The following ARHGAP31 variants were observed in gnomAD, a reference collection of about 807,000 sequenced individuals.
ARHGAP31 encodes rho GTPase-activating protein 31.
Under a neutral mutation model 113.9 loss-of-function variants are expected in ARHGAP31, and 34 were observed. That is an observed-to-expected ratio of 0.30 (90% confidence interval 0.23 to 0.40). The LOEUF (loss-of-function observed/expected upper bound fraction) is 0.40. ARHGAP31 is among the 10% of genes least tolerant of loss of function. The pLI, the probability that ARHGAP31 is intolerant of heterozygous loss-of-function variation, is 1.00. For missense variants in ARHGAP31, 1,548 were observed against 1,767.1 expected, an observed-to-expected ratio of 0.88 and a Z score of 2.22; for synonymous variants, 650 against 684.8, an observed-to-expected ratio of 0.95 and a Z score of 0.79.
At chr3:119,361,132 A>G (rs2080202727) in intron 1 of ARHGAP31, among the ~76,000 whole-genome samples, 1 of 152,240 alleles carries the variant, frequency 6.6e-6, no homozygotes, top group Non-Finnish European at 1.5e-5. Context: ...TTGAGACTTA[A>G]CAATAGCCAC....
In ARHGAP31 at chr3:119,401,867, G is replaced by A. The variant is rs1321755122; in HGVS notation, c.1115G>A (p.Gly372Glu). ...TTCAATCGAACAGTTACCACCGGTG[G>A]ATTTTTCATTCCAGCAACAAAGATG... is the stretch of plus-strand genomic sequence containing the variant. ...GNFNRTVTTG[G>E]FFIPATKMHS... The change falls in exon 10 of 12, where the codon GGA becomes GAA. Residue 372 changes from glycine to glutamate, a missense_variant. Gly to Glu is a moderately conservative substitution (Grantham distance 98). Coordinates refer to ENST00000264245, the MANE Select transcript of ARHGAP31 (RefSeq NM_020754.4). 1 of 1,614,076 alleles carries A rather than the reference G, an allele frequency of 6.2e-7. No individual in the cohort carries two copies. The highest frequency in any genetic ancestry group is 8.5e-7 in the Non-Finnish European group (1 of 1,180,010).
Position 119,386,781 on chromosome 3 carries a change from A to G in ARHGAP31, c.682+3555A>G, listed in dbSNP as rs139681415. 2.9e-4 allele frequency among the ~76,000 whole-genome samples: 44 copies of G among 152,368 alleles called. 1 individual carries two copies. The highest frequency in any genetic ancestry group is 8.9e-4 in the African/African-American group (37 of 41,596). On this transcript the variant is annotated intron_variant, in intron 6 of 11. Coordinates refer to ENST00000264245, the MANE Select transcript of ARHGAP31 (RefSeq NM_020754.4). ...GTCACCTCCAACGATAGGTAAGGTCACGTGGGTCACGTGTCCACTGGACAG... is the reference window on the plus strand; with the variant it reads ...GTCACCTCCAACGATAGGTAAGGTCGCGTGGGTCACGTGTCCACTGGACAG...
At chr3:119,345,336 G>A (rs186100936) in intron 1 of ARHGAP31, among the ~76,000 whole-genome samples, 3 of 152,114 alleles carry the variant, frequency 2.0e-5, no homozygotes, top group Middle Eastern at 3.2e-3. Flanking sequence ...AAGTGAAAGC[G>A]AGCACAATCC....
intron 10 of ARHGAP31, among the ~76,000 whole-genome samples, chr3:119,403,413 A>G (rs975573762): frequency 2.0e-5 from 3 of 152,214 alleles, no homozygotes; most frequent in East Asian, 1.9e-4. Flanking sequence ...TTGTAACACT[A>G]TACCACGCTC....
At position 119,294,780 on chromosome 3, in the gene ARHGAP31, C is replaced by G; in HGVS notation, c.-125C>G. 3 of 915,842 alleles carry G rather than the reference C, an allele frequency of 3.3e-6. No homozygotes were observed. Among genetic ancestry groups the G allele is most frequent in the Non-Finnish European group, 3.5e-6 (2 of 565,794 alleles). 56.7% of individuals were successfully genotyped at this position (915,842 alleles called of 1,614,324 possible). ...CGCAGGGCCCCCAGCCCAAGTTCTT[C>G]CATCTTCCGATGCGGCCCCCCAGAG... On this transcript the variant is annotated 5_prime_UTR_variant, in exon 1 of 12. Coordinates refer to ENST00000264245, the MANE Select transcript of ARHGAP31 (RefSeq NM_020754.4).
rs71156743 is a variant in ARHGAP31 at position 119,332,635 on chromosome 3, T to TCACACACACACACA, written c.101-32653_101-32640dup. 8.2e-4 allele frequency among the ~76,000 whole-genome samples: 70 copies of TCACACACACACACA among 85,728 alleles called. 1 individual carries two copies. The highest frequency in any genetic ancestry group is 1.4e-3 in the Non-Finnish European group (67 of 46,934). 56.2% of individuals were successfully genotyped at this position (85,728 alleles called of 152,430 possible). A position where few individuals can be genotyped will look rare whatever the true frequency, so the allele number is the denominator to read the frequency against. On this transcript the variant is annotated intron_variant, in intron 1 of 11. Transcript: ENST00000264245. Reference sequence around the variant, plus strand: ...CTCTCTCTCTCTCTCTCTCTCTCTCTCACACACACACACACACACACACAC... The same window carrying TCACACACACACACA: ...CTCTCTCTCTCTCTCTCTCTCTCTCTCACACACACACACACACACACACACACACACACACACAC...
chr3:119,392,875 T>C (rs2080517307), intron 7 of ARHGAP31, among the ~76,000 whole-genome samples: 1 of 152,216 alleles, frequency 6.6e-6, no homozygotes, highest in African/African-American at 2.4e-5. Context: ...CCTGTGGATG[T>C]CCCAGCAGTG....
intron 7 of ARHGAP31, among the ~76,000 whole-genome samples, chr3:119,392,150 C>G (rs948332068): frequency 6.6e-6 from 1 of 152,144 alleles, no homozygotes; most frequent in African/African-American, 2.4e-5. Context: ...TCAGATGGAT[C>G]ATAAAAACAT....
chr3:119,344,047 G>GA (rs1484613490), intron 1 of ARHGAP31, among the ~76,000 whole-genome samples: 1 of 125,406 alleles, frequency 8.0e-6, no homozygotes, highest in Non-Finnish European at 1.6e-5. Flanking sequence ...CTGCTGGCCG[G>GA]GGGCGCAAAG....
chr3:119,399,172 C>G, intron 8 of ARHGAP31, 27 bp from the exon 9 acceptor site: 1 of 1,603,490 alleles, frequency 6.2e-7, no homozygotes, highest in Non-Finnish European at 8.5e-7. Context: ...ATGCATTCAT[C>G]AAGGATATTT....
chr3:119,324,022 G>A (rs917468841), intron 1 of ARHGAP31, among the ~76,000 whole-genome samples: 1 of 152,172 alleles, frequency 6.6e-6, no homozygotes, highest in African/African-American at 2.4e-5. Flanking sequence ...CCTTTGCTGC[G>A]GAGATTTCTT....
At chr3:119,399,804 C>T (rs991867240) in intron 9 of ARHGAP31, among the ~76,000 whole-genome samples, 3 of 152,190 alleles carry the variant, frequency 2.0e-5, no homozygotes, top group African/African-American at 7.2e-5. Flanking sequence ...ATGTATCAGC[C>T]ATGTGCAAAC....
chr3:119,416,143 T>C lies in ARHGAP31; in HGVS notation c.4214T>C (p.Leu1405Pro), dbSNP rs963335331. Residue 1405 changes from leucine (L) to proline (P), a missense_variant, in exon 12 of 12, where the codon CTT (leucine) becomes CCT (proline). Coordinates refer to ENST00000264245, the MANE Select transcript of ARHGAP31 (RefSeq NM_020754.4). Reference protein sequence around the residue: ...NTWVTPEGVTLRNKMTIPKNG... With the variant: ...NTWVTPEGVTPRNKMTIPKNG... ...TGGGTCACACCAGAAGGGGTTACAC[T>C]TAGGAATAAAATGACCATCCCTAAG... is the stretch of plus-strand genomic sequence containing the variant. 1.9e-6 allele frequency: 3 copies of C among 1,614,140 alleles called. No homozygotes were observed. Among genetic ancestry groups the C allele is most frequent in the Non-Finnish European group, 2.5e-6 (3 of 1,180,022 alleles).
Position 119,414,204 on chromosome 3 carries a change from C to G in ARHGAP31, c.2275C>G (p.Pro759Ala), listed in dbSNP as rs1283967099. 1 of 1,614,044 alleles carries G rather than the reference C, an allele frequency of 6.2e-7. No homozygotes were observed. The highest frequency in any genetic ancestry group is 8.5e-7 in the Non-Finnish European group (1 of 1,180,038). The change falls in exon 12 of 12, where the codon CCT becomes GCT. Residue 759 changes from proline to alanine, a missense_variant. Pro to Ala is a conservative substitution (Grantham distance 27). Transcript: ENST00000264245. ...LASLAPLEIV[P>A]FEKASPQATV... ...CAGCCTGGCTCCTCTGGAAATAGTT[C>G]CTTTTGAGAAGGCATCTCCACAAGC...
intron 3 of ARHGAP31, among the ~76,000 whole-genome samples, chr3:119,375,414 C>T (rs2107627838): frequency 6.6e-6 from 1 of 152,148 alleles, no homozygotes; most frequent in Non-Finnish European, 1.5e-5. Flanking sequence ...CTGTCTGTGT[C>T]AGATCTCCCT....
intron 1 of ARHGAP31, among the ~76,000 whole-genome samples, chr3:119,311,258 A>G (rs1215359419): frequency 1.3e-5 from 2 of 152,194 alleles, no homozygotes; most frequent in African/African-American, 2.4e-5. Context: ...TCTGTGTATT[A>G]GGTGTCTGCA....
chr3:119,338,123 T>C (rs1385642122), intron 1 of ARHGAP31, among the ~76,000 whole-genome samples: 1 of 152,250 alleles, frequency 6.6e-6, no homozygotes, highest in African/African-American at 2.4e-5. Flanking sequence ...TTATTTATCC[T>C]TTAATAAACA....
intron 1 of ARHGAP31, among the ~76,000 whole-genome samples, chr3:119,310,340 T>G (rs2107597107): frequency 6.6e-6 from 1 of 152,246 alleles, no homozygotes; most frequent in Non-Finnish European, 1.5e-5. Flanking sequence ...AGAAAGGAGA[T>G]CCAGACTCCA....
chr3:119,298,264 G>A (rs2079550639), intron 1 of ARHGAP31, among the ~76,000 whole-genome samples: 1 of 152,142 alleles, frequency 6.6e-6, no homozygotes, highest in African/African-American at 2.4e-5. Context: ...GGAATAAAGG[G>A]AGATCATCCC....
Sources: gnomAD v4.1 joint callset for allele counts (sites outside exome capture counted in the v4.1 genomes callset) on GRCh38, gnomAD v4.1.1 for gene constraint, MANE v1.5 for transcripts, NCBI Gene and HGNC (gene_info 2026-07-23, HGNC 2026-07-21) for gene names.